CSMD1: variants seen among roughly 807,000 people sequenced by gnomAD.
CSMD1 encodes the protein CUB and sushi domain-containing protein 1.
A neutral mutation model predicts 417.5 loss-of-function variants in CSMD1; 213 were observed. The observed-to-expected ratio is 0.51, with a 90% CI of 0.46 to 0.57. The LOEUF (loss-of-function observed/expected upper bound fraction) is 0.57, where lower values mean the gene tolerates loss of function less well. Ranked by LOEUF, CSMD1 falls within the 20% of genes least tolerant of loss-of-function variation. The pLI, the probability that CSMD1 is intolerant of heterozygous loss-of-function variation, is 0.00. For synonymous variants in CSMD1, 2,862 were observed against 1,736.8 expected (o/e 1.65, Z -16.11); for missense variants, 6,923 against 4,529.7 (o/e 1.53, Z -15.17).
intron 26 of CSMD1, among the ~76,000 whole-genome samples, chr8:3,259,983 A>G (rs945543911): frequency 6.6e-6 from 1 of 152,222 alleles, no homozygotes; most frequent in Non-Finnish European, 1.5e-5. Context: ...CTTGGAGACC[A>G]CAGGACCTGC....
chr8:4,046,962 G>C (rs564375195), intron 3 of CSMD1, among the ~76,000 whole-genome samples: 1 of 152,266 alleles, frequency 6.6e-6, no homozygotes, highest in African/African-American at 2.4e-5. Context: ...CTTTGTCTCA[G>C]ATCTCATGCT....
At chr8:4,422,828 G>A (rs975545586) in intron 2 of CSMD1, among the ~76,000 whole-genome samples, 1 of 152,008 alleles carries the variant, frequency 6.6e-6, no homozygotes, top group Non-Finnish European at 1.5e-5. Flanking sequence ...AATTATACAC[G>A]ATGATCAAAT....
At chr8:4,043,402 G>T (rs961384157) in intron 3 of CSMD1, among the ~76,000 whole-genome samples, 1 of 152,166 alleles carries the variant, frequency 6.6e-6, no homozygotes, top group Non-Finnish European at 1.5e-5. Flanking sequence ...AACATAGGAA[G>T]CGTAAATGAC....
At chr8:4,009,692 G>T (rs559244004) in intron 4 of CSMD1, among the ~76,000 whole-genome samples, 1 of 151,976 alleles carries the variant, frequency 6.6e-6, no homozygotes, top group Non-Finnish European at 1.5e-5. Flanking sequence ...TATTGAGGAA[G>T]GAAGGGCCAC....
intron 1 of CSMD1, among the ~76,000 whole-genome samples, chr8:4,803,016 T>C (rs909299019): frequency 2.6e-5 from 4 of 152,176 alleles, no homozygotes; most frequent in African/African-American, 9.7e-5. Flanking sequence ...TCACCAGATA[T>C]CATTTGGTTT....
intron 17 of CSMD1, among the ~76,000 whole-genome samples, chr8:3,393,316 G>C (rs1312399157): frequency 6.6e-6 from 1 of 152,130 alleles, no homozygotes; most frequent in Non-Finnish European, 1.5e-5. Context: ...CACTTCTGTG[G>C]CTATACAGCT....
chr8:3,452,079 T>C (rs1202173746), intron 12 of CSMD1, among the ~76,000 whole-genome samples: 2 of 152,190 alleles, frequency 1.3e-5, no homozygotes, highest in Non-Finnish European at 2.9e-5. Flanking sequence ...TTTGAAGCAA[T>C]TGTGAATGGG....
intron 1 of CSMD1, among the ~76,000 whole-genome samples, chr8:4,783,704 A>T (rs1253235234): frequency 6.6e-6 from 1 of 152,170 alleles, no homozygotes; most frequent in Non-Finnish European, 1.5e-5. Flanking sequence ...GGTGTCAATT[A>T]TTCATCCTCC....
chr8:4,014,249 C>T (rs151032647), intron 4 of CSMD1, among the ~76,000 whole-genome samples: 2 of 152,254 alleles, frequency 1.3e-5, no homozygotes, highest in African/African-American at 4.8e-5. Flanking sequence ...ACAGAAGCAA[C>T]AAACACAGTG....
chr8:4,750,537 A>T (rs529892756), intron 1 of CSMD1, among the ~76,000 whole-genome samples: 5 of 152,264 alleles, frequency 3.3e-5, no homozygotes, highest in African/African-American at 1.2e-4. Context: ...CTATATTTTG[A>T]AAATTTTATC....
At chr8:3,449,400 A>G (rs956808005) in intron 12 of CSMD1, among the ~76,000 whole-genome samples, 1 of 152,174 alleles carries the variant, frequency 6.6e-6, no homozygotes, top group Non-Finnish European at 1.5e-5. Context: ...TTGCCAAGTC[A>G]GAGGAAACCC....
Position 3,782,417 on chromosome 8 carries a change from G to C in CSMD1, c.819-28375C>G, listed in dbSNP as rs552812239. ...AAACTAAAAAATAGACTATAAATAG[G>C]CTGTTCAACAACCCTGAATTCAGGA... On this transcript the variant is annotated intron_variant, in intron 5 of 69. Transcript: ENST00000635120. 3.9e-5 allele frequency among the ~76,000 whole-genome samples: 6 copies of C among 152,200 alleles called. No individual in the cohort carries two copies. The East Asian group carries it at 9.7e-4, about 24-fold the overall frequency.
intron 3 of CSMD1, among the ~76,000 whole-genome samples, chr8:4,404,010 C>G (rs1157453848): frequency 6.6e-6 from 1 of 152,194 alleles, no homozygotes; most frequent in Non-Finnish European, 1.5e-5. Flanking sequence ...AATTAGCAAA[C>G]TCGATTGGTA....
chr8:3,047,883 G>C (rs907594306), intron 50 of CSMD1, among the ~76,000 whole-genome samples: 1 of 152,288 alleles, frequency 6.6e-6, no homozygotes, highest in South Asian at 2.1e-4. Flanking sequence ...GGCTCATAGG[G>C]ACATAAAAAG....
intron 3 of CSMD1, among the ~76,000 whole-genome samples, chr8:4,068,484 G>A (rs1392702087): frequency 1.3e-5 from 2 of 152,242 alleles, no homozygotes; most frequent in Middle Eastern, 3.4e-3. Flanking sequence ...ATAACACATA[G>A]CATCATTACA....
intron 5 of CSMD1, among the ~76,000 whole-genome samples, chr8:3,861,595 G>A (rs918449003): frequency 2.6e-5 from 4 of 152,178 alleles, no homozygotes; most frequent in African/African-American, 7.2e-5. Flanking sequence ...GTGGGTTTCT[G>A]AGCTGAAGTG....
intron 41 of CSMD1, among the ~76,000 whole-genome samples, chr8:3,134,462 C>A (rs779013435): frequency 4.6e-5 from 7 of 152,138 alleles, no homozygotes; most frequent in African/African-American, 1.4e-4. Flanking sequence ...TTTTCACAGC[C>A]GTAAAACTTG....
At chr8:4,479,985 A>G (rs1407239509) in intron 2 of CSMD1, among the ~76,000 whole-genome samples, 5 of 151,440 alleles carry the variant, frequency 3.3e-5, no homozygotes, top group Admixed American at 2.0e-4. Context: ...AAAAAATAAA[A>G]AGTCAACAAA....
intron 41 of CSMD1, among the ~76,000 whole-genome samples, chr8:3,132,634 T>C (rs1000251798): frequency 6.6e-6 from 1 of 152,154 alleles, no homozygotes; most frequent in East Asian, 1.9e-4. Flanking sequence ...ACCAGATTAT[T>C]CTGAGAAACT....
Sources: gnomAD v4.1 joint callset for allele counts (sites outside exome capture counted in the v4.1 genomes callset) on GRCh38, gnomAD v4.1.1 for gene constraint, MANE v1.5 for transcripts, NCBI Gene and HGNC (gene_info 2026-07-23, HGNC 2026-07-21) for gene names.